The following TMPRSS11A variants were observed in gnomAD, a reference collection of about 807,000 sequenced individuals.
The protein encoded by TMPRSS11A is transmembrane serine protease 11A.
A neutral mutation model predicts 58.9 loss-of-function variants in TMPRSS11A; 53 were observed. The ratio of observed to expected loss-of-function variants is 0.90; its 90% confidence interval spans 0.72 to 1.13. The LOEUF (loss-of-function observed/expected upper bound fraction) is 1.13, where lower values mean the gene tolerates loss of function less well. Ranked by LOEUF, TMPRSS11A falls within the 50% of genes most tolerant of loss-of-function variation. The pLI, the probability that TMPRSS11A is intolerant of heterozygous loss-of-function variation, is 0.00. For synonymous variants in TMPRSS11A, 167 were observed against 169.8 expected, an observed-to-expected ratio of 0.98 and a Z score of 0.13; for missense variants, 493 against 499.3, an observed-to-expected ratio of 0.99 and a Z score of 0.12.
chr4:67,924,716 G>T (rs1402328993), intron 5 of TMPRSS11A, among the ~76,000 whole-genome samples: 1 of 152,170 alleles, frequency 6.6e-6, no homozygotes, highest in Admixed American at 6.5e-5. Flanking sequence ...GAAAGGGGAA[G>T]CCTCTTATAA....
intron 7 of TMPRSS11A, among the ~76,000 whole-genome samples, chr4:67,920,549 A>AT (rs1553922035): frequency 0.029 from 3,758 of 130,834 alleles, 180 homozygotes; most frequent in African/African-American, 0.1. Context: ...ATATATATAT[A>AT]TTTTTTTTTA....
intron 4 of TMPRSS11A, among the ~76,000 whole-genome samples, chr4:67,931,391 G>A (rs891156462): frequency 6.6e-6 from 1 of 151,940 alleles, no homozygotes; most frequent in Non-Finnish European, 1.5e-5. Context: ...TCATGGATTT[G>A]TGTATATGAC....
At chr4:67,956,622 T>C (rs141761994) in intron 1 of TMPRSS11A, among the ~76,000 whole-genome samples, 1 of 152,342 alleles carries the variant, frequency 6.6e-6, no homozygotes, top group African/African-American at 2.4e-5. Flanking sequence ...ATAAATGAGA[T>C]AATTTGCACG....
intron 5 of TMPRSS11A, among the ~76,000 whole-genome samples, chr4:67,925,592 T>C (rs537055030): frequency 1.3e-4 from 20 of 152,318 alleles, no homozygotes; most frequent in Non-Finnish European, 2.6e-4. Flanking sequence ...GCATCCCAAA[T>C]CATTGTATGG....
At chr4:67,954,167 G>A (rs1721226346) in intron 1 of TMPRSS11A, among the ~76,000 whole-genome samples, 3 of 152,138 alleles carry the variant, frequency 2.0e-5, no homozygotes, top group Admixed American at 2.0e-4. Flanking sequence ...CTTCATCCTG[G>A]TCCCAGGGAC....
intron 8 of TMPRSS11A, 53 bp from the exon 9 acceptor site, chr4:67,914,783 A>C (rs1027946060): frequency 6.7e-7 from 1 of 1,499,974 alleles, no homozygotes; most frequent in Non-Finnish European, 9.2e-7. Context: ...CTTTGGCTAG[A>C]GTGAAGTGAG....
chr4:67,956,806 A>G (rs1231109713), intron 1 of TMPRSS11A, among the ~76,000 whole-genome samples: 2 of 152,102 alleles, frequency 1.3e-5, no homozygotes, highest in East Asian at 3.9e-4. Context: ...ATCAACTATT[A>G]TTCCTTATAT....
intron 1 of TMPRSS11A, among the ~76,000 whole-genome samples, chr4:67,950,243 AT>A (rs1233442370): frequency 2.0e-4 from 30 of 152,188 alleles, no homozygotes; most frequent in African/African-American, 7.2e-4. Context: ...TCATTTAGGT[AT>A]TAGGCAGAAC....
intron 9 of TMPRSS11A, among the ~76,000 whole-genome samples, chr4:67,914,031 T>C (rs353173): frequency 0.67 from 102,203 of 152,150 alleles, 34,875 homozygotes; most frequent in East Asian, 0.82. Flanking sequence ...CTTGTTTCTC[T>C]TCTCATCCTC....
intron 1 of TMPRSS11A, among the ~76,000 whole-genome samples, chr4:67,951,887 G>A (rs1721170544): frequency 6.6e-6 from 1 of 152,150 alleles, no homozygotes; most frequent in Admixed American, 6.5e-5. Context: ...ATTTCTGAAA[G>A]AAAGTTCTTA....
intron 2 of TMPRSS11A, among the ~76,000 whole-genome samples, chr4:67,945,885 T>C (rs1720991404): frequency 6.6e-6 from 1 of 152,162 alleles, no homozygotes; most frequent in African/African-American, 2.4e-5. Flanking sequence ...AAAAATATAA[T>C]CCCTGAATAT....
At chr4:67,933,583 A>T (rs1277314456) in intron 3 of TMPRSS11A, among the ~76,000 whole-genome samples, 1 of 152,194 alleles carries the variant, frequency 6.6e-6, no homozygotes, top group African/African-American at 2.4e-5. Flanking sequence ...TATCCAAAAT[A>T]TGTCTTTATT....
At chr4:67,927,914 G>A (rs566465363) in intron 5 of TMPRSS11A, among the ~76,000 whole-genome samples, 10 of 152,274 alleles carry the variant, frequency 6.6e-5, no homozygotes, top group African/African-American at 2.4e-4. Context: ...TAATCTCTCT[G>A]TGATTTCAGG....
chr4:67,942,654 C>T (rs1406568324), intron 3 of TMPRSS11A, among the ~76,000 whole-genome samples: 1 of 152,126 alleles, frequency 6.6e-6, no homozygotes, highest in Non-Finnish European at 1.5e-5. Context: ...CTGAGTCAGC[C>T]ATTTTGAAGA....
chr4:67,922,914 C>T lies in TMPRSS11A; in HGVS notation c.533G>A (p.Arg178Gln). 2.5e-6 allele frequency: 4 copies of T among 1,613,924 alleles called. No individual in the cohort carries two copies. Among genetic ancestry groups the T allele is most frequent in the South Asian group, 2.2e-5 (2 of 91,028 alleles). ...ELTVQASCGK[R>Q]VVPLNVNRIA... Reference sequence around the variant, plus strand: ...TCTGTTGACGTTTAATGGAACAACTCGTTTACCACAACCTGAAAAAAGATG... The same window carrying T: ...TCTGTTGACGTTTAATGGAACAACTTGTTTACCACAACCTGAAAAAAGATG... The change falls in exon 7 of 10, where the codon CGA becomes CAA. Residue 178 changes from arginine (R) to glutamine (Q), a missense_variant. Coordinates refer to ENST00000508048, the MANE Select transcript of TMPRSS11A (RefSeq NM_001114387.2).
chr4:67,948,196 G>A (rs556236177), intron 1 of TMPRSS11A, among the ~76,000 whole-genome samples: 6 of 131,542 alleles, frequency 4.6e-5, no homozygotes, highest in African/African-American at 1.8e-4. Context: ...TGTCATCCAG[G>A]CTGCCAGGCT....
At chr4:67,960,642 G>A (rs1577875764) in intron 1 of TMPRSS11A, among the ~76,000 whole-genome samples, 1 of 152,242 alleles carries the variant, frequency 6.6e-6, no homozygotes, top group Non-Finnish European at 1.5e-5. Context: ...TTAGTAATTA[G>A]TAACTAACAT....
intron 1 of TMPRSS11A, among the ~76,000 whole-genome samples, chr4:67,959,989 TA>T (rs943847379): frequency 2.0e-5 from 3 of 152,164 alleles, no homozygotes; most frequent in Non-Finnish European, 4.4e-5. Context: ...TATGCAGCTG[TA>T]AAAAATGTAT....
intron 2 of TMPRSS11A, among the ~76,000 whole-genome samples, chr4:67,945,327 A>T (rs957257102): frequency 2.0e-5 from 3 of 152,124 alleles, no homozygotes; most frequent in Non-Finnish European, 4.4e-5. Context: ...GAATGGGAAA[A>T]ATACAAAACA....
Sources: gnomAD v4.1 joint callset for allele counts (sites outside exome capture counted in the v4.1 genomes callset) on GRCh38, gnomAD v4.1.1 for gene constraint, MANE v1.5 for transcripts, NCBI Gene and HGNC (gene_info 2026-07-23, HGNC 2026-07-21) for gene names.